JDP2: variants seen among roughly 807,000 people sequenced by gnomAD.
JDP2 encodes the protein progesterone receptor co-activator.
A neutral mutation model predicts 17.1 loss-of-function variants in JDP2; 9 were observed. That is an observed-to-expected ratio of 0.53 (90% CI 0.32 to 0.92). The LOEUF (loss-of-function observed/expected upper bound fraction) is 0.92, where lower values mean the gene tolerates loss of function less well. Among genes scored for constraint, JDP2 ranks in the 40% least tolerant of loss-of-function variants. The pLI, the probability that JDP2 is intolerant of heterozygous loss-of-function variation, is 0.04. For missense variants in JDP2, 179 were observed against 220.0 expected (o/e 0.81, Z 1.18); for synonymous variants, 107 against 95.6 (o/e 1.12, Z -0.69).
At position 75,442,159 on chromosome 14, in the gene JDP2, C is replaced by A. The variant is rs974834201; in HGVS notation, c.201+4038C>A. Among the ~76,000 whole-genome samples, 48 of 152,300 alleles carry A rather than the reference C, an allele frequency of 3.2e-4. 2 individuals are homozygous for A. The highest frequency in any genetic ancestry group is 1.2e-3 in the African/African-American group (48 of 41,558). On this transcript the variant is annotated intron_variant, in intron 2 of 3. Coordinates refer to ENST00000651602, the MANE Select transcript of JDP2 (RefSeq NM_001135048.2). ...TCGGCCTACAGATGAATCTTGTTCACAGGGTGGTTTGCTTTTTCTTTCTTT... is the reference window on the plus strand; with the variant it reads ...TCGGCCTACAGATGAATCTTGTTCAAAGGGTGGTTTGCTTTTTCTTTCTTT...
rs1449679041 is a variant in JDP2, at chr14:75,473,804, G to A, written c.*4329G>A. 1.3e-5 allele frequency: 2 copies of A among 152,164 alleles called. No homozygotes were observed. The highest frequency in any genetic ancestry group is 3.9e-4 in the East Asian group (2 of 5,186). 9.4% of individuals were successfully genotyped at this position (152,164 alleles called of 1,614,324 possible). ...ATTGTTTATGGCTACACACACATCT[G>A]GGTAATAGAGGTATAAAAGCCTGCA... On this transcript the variant is annotated 3_prime_UTR_variant, in exon 4 of 4. Coordinates refer to ENST00000651602, the MANE Select transcript of JDP2 (RefSeq NM_001135048.2).
intron 3 of JDP2, among the ~76,000 whole-genome samples, chr14:75,466,414 C>G (rs1290042719): frequency 6.6e-6 from 1 of 152,190 alleles, no homozygotes; most frequent in East Asian, 1.9e-4. Flanking sequence ...GCACTCCAGC[C>G]TGGGTGACAG....
At chr14:75,467,454 G>A (rs1012045794) in intron 3 of JDP2, among the ~76,000 whole-genome samples, 6 of 152,170 alleles carry the variant, frequency 3.9e-5, no homozygotes, top group African/African-American at 1.4e-4. Flanking sequence ...GAGCCAGTTG[G>A]GGGCTCATGG....
At chr14:75,454,019 G>A (rs1885989562) in intron 2 of JDP2, among the ~76,000 whole-genome samples, 1 of 152,138 alleles carries the variant, frequency 6.6e-6, no homozygotes, top group African/African-American at 2.4e-5. Context: ...TGTGGGTCCT[G>A]CAAGCTATGT....
intron 2 of JDP2, 74 bp downstream of exon 2, chr14:75,438,195 T>G (rs1342814622): frequency 1.6e-6 from 2 of 1,225,582 alleles, no homozygotes; most frequent in African/African-American, 1.5e-5. Context: ...ACCTTGCTGT[T>G]CAAAGTGTGG....
intron 1 of JDP2, among the ~76,000 whole-genome samples, chr14:75,433,424 C>T (rs1884910669): frequency 6.6e-6 from 1 of 151,108 alleles, no homozygotes; most frequent in South Asian, 2.1e-4. Flanking sequence ...GTTAGTATCT[C>T]CCAGGAGGGT....
chr14:75,445,736 C>T (rs573706415), intron 2 of JDP2: 35 of 299,804 alleles, frequency 1.2e-4, no homozygotes, highest in East Asian at 1.0e-3. Flanking sequence ...AGCTGTAAAT[C>T]TTTGTGACCT....
At chr14:75,455,146 G>A (rs1042303487) in intron 2 of JDP2, among the ~76,000 whole-genome samples, 1 of 152,164 alleles carries the variant, frequency 6.6e-6, no homozygotes, top group South Asian at 2.1e-4. Context: ...ACAAATCTGC[G>A]TGCGCATGTA....
intron 1 of JDP2, 136 bp from the exon 2 acceptor site, chr14:75,437,762 G>A: frequency 4.9e-6 from 3 of 610,698 alleles, no homozygotes; most frequent in Non-Finnish European, 5.5e-6. Flanking sequence ...TTTACGGCAG[G>A]AAGAGCAGCT....
At chr14:75,432,984 C>T (rs1259686695) in intron 1 of JDP2, among the ~76,000 whole-genome samples, 4 of 151,672 alleles carry the variant, frequency 2.6e-5, no homozygotes, top group Non-Finnish European at 5.9e-5. Flanking sequence ...GGTGGATCAC[C>T]TGAGGTTGGG....
intron 2 of JDP2, among the ~76,000 whole-genome samples, chr14:75,444,851 G>C (rs1218654654): frequency 2.0e-5 from 3 of 152,204 alleles, no homozygotes; most frequent in Non-Finnish European, 4.4e-5. Context: ...AGACTTTCCA[G>C]TTTCTGGTTG....
chr14:75,458,545 C>G (rs1238230012), intron 2 of JDP2, among the ~76,000 whole-genome samples: 1 of 152,120 alleles, frequency 6.6e-6, no homozygotes, highest in African/African-American at 2.4e-5. Flanking sequence ...GTAATATGTA[C>G]CACATTTTCT....
chr14:75,454,978 A>G (rs1886036788), intron 2 of JDP2, among the ~76,000 whole-genome samples: 3 of 152,258 alleles, frequency 2.0e-5, no homozygotes, highest in African/African-American at 7.2e-5. Context: ...GCAGCCGTCC[A>G]GTGCAGAGGC....
chr14:75,429,378 A>T (rs1884683797), intron 1 of JDP2, among the ~76,000 whole-genome samples: 1 of 151,418 alleles, frequency 6.6e-6, no homozygotes, highest in African/African-American at 2.4e-5. Context: ...AGGCGTGTGT[A>T]CCCAGGCTTA....
intron 2 of JDP2, chr14:75,445,159 C>G (rs926723973): frequency 1.0e-6 from 1 of 984,974 alleles, no homozygotes; most frequent in African/African-American, 1.7e-5. Flanking sequence ...TCTGGCTGAA[C>G]AACTATGAAG....
At chr14:75,436,227 G>A (rs1885056833) in intron 1 of JDP2, among the ~76,000 whole-genome samples, 1 of 149,812 alleles carries the variant, frequency 6.7e-6, no homozygotes, top group Admixed American at 6.6e-5. Flanking sequence ...ATCTAGACCT[G>A]GGAAGCTGAA....
chr14:75,464,551 G>A (rs769136335), intron 3 of JDP2, among the ~76,000 whole-genome samples: 12 of 152,132 alleles, frequency 7.9e-5, no homozygotes, highest in Non-Finnish European at 1.3e-4. Context: ...CAAATAACAC[G>A]CCATTTTATG....
At chr14:75,449,951 C>T (rs971126204) in intron 2 of JDP2, among the ~76,000 whole-genome samples, 13 of 152,204 alleles carry the variant, frequency 8.5e-5, no homozygotes, top group South Asian at 2.1e-4. Context: ...TTTTCTTAGC[C>T]GTGGAAATGG....
At chr14:75,458,717 G>T (rs779320243) in intron 2 of JDP2, among the ~76,000 whole-genome samples, 7 of 152,178 alleles carry the variant, frequency 4.6e-5, no homozygotes, top group African/African-American at 7.2e-5. Context: ...TAGTATTTCT[G>T]TTTTTAGCTA....
Sources: allele counts gnomAD v4.1 joint callset (sites outside exome capture counted in the v4.1 genomes callset), GRCh38; gene constraint gnomAD v4.1.1; transcripts MANE v1.5; gene names NCBI Gene and HGNC (gene_info 2026-07-23, HGNC 2026-07-21).